The following ASIC3 variants were observed in gnomAD, a reference collection of about 807,000 sequenced individuals.
ASIC3 encodes acid sensing ion channel subunit 3.
A neutral mutation model predicts 58.6 loss-of-function variants in ASIC3; 46 were observed. The ratio of observed to expected loss-of-function variants is 0.79; its 90% CI spans 0.62 to 1.00. The LOEUF (loss-of-function observed/expected upper bound fraction) is 1.00, where lower values mean the gene tolerates loss of function less well. ASIC3 is among the 50% of genes least tolerant of loss of function. The probability of loss-of-function intolerance (pLI) is 0.00; values close to 1 mark genes in which losing one functional copy is unlikely to be tolerated. For missense variants in ASIC3, 770 were observed against 735.0 expected (o/e 1.05, Z -0.55); for synonymous variants, 336 against 300.2 (o/e 1.12, Z -1.23).
chr7:151,051,580 GGGGGAGGGGA>G (rs1335837166), intron 6 of ASIC3, among the ~76,000 whole-genome samples: 1 of 150,928 alleles, frequency 6.6e-6, no homozygotes, highest in Admixed American at 6.6e-5. Context: ...GGCGGGGGGC[GGGGGAGGGGA>G]GGGGAGGGGA....
rs775594172 is a variant in ASIC3 at position 151,050,928 on chromosome 7, C to T, written c.984C>T (p.Cys328=). Residue 328 remains cysteine, a synonymous_variant, in exon 4 of 11, where the codon TGC becomes TGT. Coordinates refer to ENST00000349064, the MANE Select transcript of ASIC3 (RefSeq NM_004769.4). ...AAACCCGCTACGTGGCTCGGAAGTG[C>T]GGCTGCCGAATGGTGTACATGCCAG... is the stretch of plus-strand genomic sequence containing the variant. ...ACETRYVARK[C]GCRMVYMPGD... is the part of the protein sequence containing the mutation. 4.3e-6 allele frequency: 7 copies of T among 1,613,318 alleles called. No homozygotes were observed. Among genetic ancestry groups the T allele is most frequent in the Admixed American group, 3.3e-5 (2 of 59,994 alleles).
rs984076395 is a variant in ASIC3, at chr7:151,049,227, G to T, written c.342G>T (p.Leu114=). The change falls in exon 1 of 11, where the codon CTG becomes CTT. Residue 114 remains leucine (L), a synonymous_variant. Transcript: ENST00000349064. ...PNDLHWAGSA[L]LGLDPAEHAA... Reference sequence around the variant, plus strand: ...ACCTGCACTGGGCTGGGTCTGCGCTGCTGGGCCTGGATCCCGCAGAGCACG... The same window carrying T: ...ACCTGCACTGGGCTGGGTCTGCGCTTCTGGGCCTGGATCCCGCAGAGCACG... 14 of 1,611,848 alleles carry T rather than the reference G, an allele frequency of 8.7e-6. No individual in the cohort carries two copies. The highest frequency in any genetic ancestry group is 1.2e-5 in the Non-Finnish European group (14 of 1,179,060).
rs759045801 is a variant in ASIC3 at position 151,049,149 on chromosome 7, T to C, written c.264T>C (p.Ala88=). 6.2e-7 allele frequency: 1 copy of C among 1,613,838 alleles called. No homozygotes were observed. The highest frequency in any genetic ancestry group is 1.1e-5 in the South Asian group (1 of 91,084). ...ERESHRLIFP[A]VTLCNINPLR... ...AAAGCCACCGGCTCATCTTCCCGGC[T>C]GTCACCCTGTGCAACATCAACCCAC... The change falls in exon 1 of 11, where the codon GCT becomes GCC. Residue 88 remains alanine, a synonymous_variant. Coordinates refer to ENST00000349064, the MANE Select transcript of ASIC3 (RefSeq NM_004769.4).
intron 1 of ASIC3, among the ~76,000 whole-genome samples, chr7:151,049,625 C>T (rs1346705635): frequency 5.3e-5 from 8 of 152,230 alleles, no homozygotes; most frequent in Admixed American, 3.3e-4. Context: ...TCTCCCAGCC[C>T]GAGGGGAGCA....
In ASIC3 at chr7:151,048,810, C is replaced by T. The variant is rs567716483; in HGVS notation, c.-76C>T. ...CCTGGCCTCCTGAATCCTATCTTAG[C>T]CTCCTTAGCCCCCTGACTGACTCTC... On this transcript the variant is annotated 5_prime_UTR_variant, in exon 1 of 11. Coordinates refer to ENST00000349064, the MANE Select transcript of ASIC3 (RefSeq NM_004769.4). 1.3e-6 allele frequency: 2 copies of T among 1,493,328 alleles called. No individual in the cohort carries two copies. The highest frequency in any genetic ancestry group is 4.6e-5 in the East Asian group (2 of 43,776). The allele number at this position is 1,493,328 out of a possible 1,614,324, so 92.5% of individuals were successfully genotyped here.
In ASIC3 at chr7:151,051,803, T is replaced by C. The variant is rs765126744; in HGVS notation, c.1215-7T>C. On this transcript the variant is annotated splice_polypyrimidine_tract_variant and splice_region_variant and intron_variant, in intron 6 of 10. Transcript: ENST00000349064. ...CAGCCCACATTTGAGGCCATTCTTGTCCTCAGGGAGAACGTGCTGGCCCTG... is the reference window on the plus strand; with the variant it reads ...CAGCCCACATTTGAGGCCATTCTTGCCCTCAGGGAGAACGTGCTGGCCCTG... The C allele has an allele frequency of 6.2e-7, 1 of 1,612,746 alleles. No individual in the cohort carries two copies. Among genetic ancestry groups the C allele is most frequent in the Non-Finnish European group, 8.5e-7 (1 of 1,179,856 alleles).
chr7:151,049,334 A>G lies in ASIC3; in HGVS notation c.449A>G (p.Tyr150Cys), dbSNP rs201385813. The change falls in exon 1 of 11, where the codon TAT becomes TGT. Residue 150 changes from tyrosine to cysteine, a missense_variant. Tyr to Cys is a radical substitution (Grantham distance 194). Coordinates refer to ENST00000349064, the MANE Select transcript of ASIC3 (RefSeq NM_004769.4). ...CCCACCTTTGACATGGCGCAACTCT[A>G]TGCCCGTGCTGGGCACTCCCTGGAT... Reference protein sequence around the residue: ...PSPTFDMAQLYARAGHSLDDM... With the variant: ...PSPTFDMAQLCARAGHSLDDM... 1.1e-4 allele frequency: 176 copies of G among 1,613,056 alleles called. No homozygotes were observed. The highest frequency in any genetic ancestry group is 1.4e-4 in the Non-Finnish European group (162 of 1,179,916).
chr7:151,051,733 G>A (rs1052667695), intron 6 of ASIC3, 77 bp from the exon 7 acceptor site: 3 of 1,468,108 alleles, frequency 2.0e-6, no homozygotes, highest in Non-Finnish European at 2.8e-6. Flanking sequence ...AGGAGTGGGA[G>A]AACCCACAGC....
chr7:151,051,979 A>G lies in ASIC3; in HGVS notation c.1307-4A>G. On this transcript the variant is annotated splice_region_variant and splice_polypyrimidine_tract_variant and intron_variant, in intron 7 of 10. Coordinates refer to ENST00000349064, the MANE Select transcript of ASIC3 (RefSeq NM_004769.4). The stretch of plus-strand genomic sequence containing the variant: ...TAAGTTGAAGGGTGACCCTGTCTCC[A>G]CAGGTGACATTGGGGGCCAGATGGG... 1 of 1,613,270 alleles carries G rather than the reference A, an allele frequency of 6.2e-7. No individual in the cohort carries two copies. Among genetic ancestry groups the G allele is most frequent in the Non-Finnish European group, 8.5e-7 (1 of 1,179,798 alleles).
At chr7:151,051,473 C>T (rs2150359537) in intron 6 of ASIC3, among the ~76,000 whole-genome samples, 154 bp downstream of exon 6, 1 of 151,878 alleles carries the variant, frequency 6.6e-6, no homozygotes, top group South Asian at 2.1e-4. Context: ...GTTGCTTAAT[C>T]TTTCTGGCCC....
In ASIC3 at chr7:151,050,902, G is replaced by A. The variant is rs1402149967; in HGVS notation, c.958G>A (p.Glu320Lys). The A allele has an allele frequency of 1.2e-6, 2 of 1,613,394 alleles. No individual in the cohort carries two copies. Among genetic ancestry groups the A allele is most frequent in the African/African-American group, 1.3e-5 (1 of 74,938 alleles). The stretch of plus-strand genomic sequence containing the variant: ...CCTTATGGGGTGTCGCCTGGCCTGC[G>A]AAACCCGCTACGTGGCTCGGAAGTG... ...YTLMGCRLACETRYVARKCGC... is the reference protein window; with the variant it reads ...YTLMGCRLACKTRYVARKCGC... Residue 320 changes from glutamate (E) to lysine (K), a missense_variant, in exon 4 of 11, where the codon GAA becomes AAA. Coordinates refer to ENST00000349064, the MANE Select transcript of ASIC3 (RefSeq NM_004769.4).
At chr7:151,050,411 G>C in intron 2 of ASIC3, 70 bp from the exon 3 acceptor site, 1 of 1,589,426 alleles carries the variant, frequency 6.3e-7, no homozygotes, top group South Asian at 1.1e-5. Flanking sequence ...GGGCTGCAGT[G>C]AGAGGTCTTG....
chr7:151,051,684 T>C (rs58134191), intron 6 of ASIC3, 126 bp from the exon 7 acceptor site: 346,504 of 929,778 alleles, frequency 0.37, 66,012 homozygotes, highest in African/African-American at 0.44. Context: ...GGAGTACAGG[T>C]GTGAGCCACC....
rs1438220080 is a variant in ASIC3, at chr7:151,051,422, G to GGCAGCCTCC, written c.1214+112_1214+120dup. On this transcript the variant is annotated intron_variant, in intron 6 of 10. Transcript: ENST00000349064. The stretch of plus-strand genomic sequence containing the variant: ...CCCTAGTGCGCACAGCCCGGGCGGA[G>GGCAGCCTCC]GCAGCCTCCGCAGCCTCACTGGCTC... 4 of 1,359,778 alleles carry GGCAGCCTCC rather than the reference G, an allele frequency of 2.9e-6. No individual in the cohort carries two copies. The African/African-American group carries it at 4.5e-5, about 15-fold the overall frequency. The allele number at this position is 1,359,778 out of a possible 1,614,324, so 84.2% of individuals were successfully genotyped here. A position where few individuals can be genotyped will look rare whatever the true frequency, so the allele number is the denominator to read the frequency against.
Position 151,051,194 on chromosome 7 carries a change from G to T in ASIC3, c.1089G>T (p.Ser363=), listed in dbSNP as rs1033783177. The T allele has an allele frequency of 3.1e-6, 5 of 1,590,062 alleles. No homozygotes were observed. Among genetic ancestry groups the T allele is most frequent in the African/African-American group, 2.7e-5 (2 of 74,510 alleles). ...CAGATGCCATGCTTCGCAAGGACTC[G>T]TGCGCCTGCCCCAACCCGTGCGCCA... ...PAIDAMLRKD[S]CACPNPCAST... is the part of the protein sequence containing the mutation. The change falls in exon 6 of 11, where the codon TCG becomes TCT. Residue 363 remains serine, a synonymous_variant. Coordinates refer to ENST00000349064, the MANE Select transcript of ASIC3 (RefSeq NM_004769.4).
chr7:151,050,652 C>A, intron 3 of ASIC3, 44 bp downstream of exon 3: 4 of 1,611,894 alleles, frequency 2.5e-6, no homozygotes, highest in Non-Finnish European at 3.4e-6. Flanking sequence ...CAAGCCCACA[C>A]CACCTCAGAC....
At position 151,049,203 on chromosome 7, in the gene ASIC3, C is replaced by T. The variant is rs201104214; in HGVS notation, c.318C>T (p.Asp106=). 3.4e-5 allele frequency: 55 copies of T among 1,613,188 alleles called. No individual in the cohort carries two copies. The East Asian group carries it at 8.5e-4, about 25-fold the overall frequency. The change falls in exon 1 of 11, where the codon GAC becomes GAT. Residue 106 remains aspartate, a synonymous_variant. Coordinates refer to ENST00000349064, the MANE Select transcript of ASIC3 (RefSeq NM_004769.4). ...PLRRSRLTPN[D]LHWAGSALLG... is the part of the protein sequence containing the mutation. ...GCCGCTCGCGCCTAACGCCCAACGA[C>T]CTGCACTGGGCTGGGTCTGCGCTGC...
In ASIC3 at chr7:151,051,272, C is replaced by A; in HGVS notation, c.1167C>A (p.Ala389=). 2 of 1,529,094 alleles carry A rather than the reference C, an allele frequency of 1.3e-6. No individual in the cohort carries two copies. The highest frequency in any genetic ancestry group is 1.7e-6 in the Non-Finnish European group (2 of 1,146,170). The allele number at this position is 1,529,094 out of a possible 1,614,324, so 94.7% of individuals were successfully genotyped here. A position where few individuals can be genotyped will look rare whatever the true frequency, so the allele number is the denominator to read the frequency against. Reference sequence around the variant, plus strand: ...TGGTGCGGATCCCGAGCCGCGCCGCCGCGCGCTTCCTGGCCCGGAAGCTCA... The same window carrying A: ...TGGTGCGGATCCCGAGCCGCGCCGCAGCGCGCTTCCTGGCCCGGAAGCTCA... ...LSMVRIPSRA[A]ARFLARKLNR... Residue 389 remains alanine (A), a synonymous_variant, in exon 6 of 11, where the codon GCC becomes GCA. Coordinates refer to ENST00000349064, the MANE Select transcript of ASIC3 (RefSeq NM_004769.4).
intron 1 of ASIC3, 133 bp downstream of exon 1, chr7:151,049,552 C>A: frequency 1.8e-6 from 2 of 1,089,414 alleles, no homozygotes; most frequent in Non-Finnish European, 2.6e-6. Flanking sequence ...CAGCCATGGA[C>A]TCCCCACCCC....
Sources: gnomAD v4.1 joint callset for allele counts (sites outside exome capture counted in the v4.1 genomes callset) on GRCh38, gnomAD v4.1.1 for gene constraint, MANE v1.5 for transcripts, NCBI Gene and HGNC (gene_info 2026-07-23, HGNC 2026-07-21) for gene names.